SCN11A: variants seen among roughly 807,000 people sequenced by gnomAD.
SCN11A encodes sodium channel protein type 11 subunit alpha.
SCN11A carries 122 observed loss-of-function variants against 162.2 expected under a neutral mutation model. The ratio of observed to expected loss-of-function variants is 0.75; its 90% CI spans 0.65 to 0.87. The LOEUF (loss-of-function observed/expected upper bound fraction) is 0.87. Ranked by LOEUF, SCN11A falls within the 40% of genes least tolerant of loss-of-function variation. SCN11A has a pLI of 0.00. For missense variants in SCN11A, 2,015 were observed against 2,181.6 expected, an observed-to-expected ratio of 0.92 and a Z score of 1.52; for synonymous variants, 758 against 751.5, an observed-to-expected ratio of 1.01 and a Z score of -0.14.
chr3:38,852,458 G>T (rs937233134), intron 28 of SCN11A, among the ~76,000 whole-genome samples: 4 of 152,110 alleles, frequency 2.6e-5, no homozygotes, highest in Non-Finnish European at 4.4e-5. Context: ...GAGATTAAGA[G>T]CATAAATTAC....
At chr3:38,854,133 T>C (rs1194580446) in intron 28 of SCN11A, among the ~76,000 whole-genome samples, 6 of 152,312 alleles carry the variant, frequency 3.9e-5, no homozygotes, top group East Asian at 1.9e-4. Context: ...TTGCGACATA[T>C]GATAATTATA....
At position 38,885,313 on chromosome 3, in the gene SCN11A, C is replaced by T. The variant is rs1277761557; in HGVS notation, c.3039G>A (p.Lys1013=). 7 of 1,611,370 alleles carry T rather than the reference C, an allele frequency of 4.3e-6. No homozygotes were observed. The highest frequency in any genetic ancestry group is 2.2e-5 in the East Asian group (1 of 44,874). Reference sequence around the variant, plus strand: ...CTTTGGGCAAACATCTCTCTGGTTGCTTTTTGGGAACCATCTCAGGTAACC... The same window carrying T: ...CTTTGGGCAAACATCTCTCTGGTTGTTTTTTGGGAACCATCTCAGGTAACC... ...FGWLPEMVPK[K]QPERCLPKGF... is the part of the protein sequence containing the mutation. Residue 1013 remains lysine, a synonymous_variant, in exon 21 of 30, where the codon AAG becomes AAA. Coordinates refer to ENST00000302328, the MANE Select transcript of SCN11A (RefSeq NM_001349253.2).
rs566379034 is a variant in SCN11A, at chr3:38,894,702, C to T, written c.2666G>A (p.Arg889Lys). The change falls in exon 19 of 30, where the codon AGG becomes AAG. Residue 889 changes from arginine (R) to lysine (K), a missense_variant. Arg to Lys is a conservative substitution (Grantham distance 26). Coordinates refer to ENST00000302328, the MANE Select transcript of SCN11A (RefSeq NM_001349253.2). ...AAGCTCCTCCTGGGTCTCTGAGCCC[C>T]TTTTCATCTCCATGACCAGGGGAAT... The part of the protein sequence containing the change: ...DIIPLVMEMK[R>K]GSETQEELGI... The T allele has an allele frequency of 2.5e-6, 4 of 1,614,170 alleles. No individual in the cohort carries two copies. The highest frequency in any genetic ancestry group is 2.5e-6 in the Non-Finnish European group (3 of 1,180,020).
At chr3:38,906,992 G>A (rs941788401) in intron 14 of SCN11A, among the ~76,000 whole-genome samples, 2 of 151,860 alleles carry the variant, frequency 1.3e-5, no homozygotes, top group African/African-American at 4.8e-5. Context: ...GCTTGCCTTC[G>A]CTTCTAGGCT....
rs1316838417 is a variant in SCN11A at position 38,885,247 on chromosome 3, C to T, written c.3064+41G>A. ...TTCAAAGAAGAACAGAAACCCCATC[C>T]AAAGATTCTGTGAACTGGATGCAGA... On this transcript the variant is annotated intron_variant, in intron 21 of 29. Coordinates refer to ENST00000302328, the MANE Select transcript of SCN11A (RefSeq NM_001349253.2). 7 of 1,143,292 alleles carry T rather than the reference C, an allele frequency of 6.1e-6. No homozygotes were observed. The South Asian group carries it at 8.6e-5, about 14-fold the overall frequency. 70.8% of individuals were successfully genotyped at this position (1,143,292 alleles called of 1,614,324 possible).
At chr3:38,925,926 C>G (rs2066133269) in intron 8 of SCN11A, among the ~76,000 whole-genome samples, 1 of 152,240 alleles carries the variant, frequency 6.6e-6, no homozygotes, top group Admixed American at 6.5e-5. Flanking sequence ...TACTCTAAAC[C>G]ACTGTGCTTC....
At chr3:39,019,544 G>T (rs140950926) in intron 2 of SCN11A, among the ~76,000 whole-genome samples, 5 of 152,210 alleles carry the variant, frequency 3.3e-5, no homozygotes, top group African/African-American at 1.2e-4. Context: ...TTGTGCACTG[G>T]GCAGGAAGAG....
intron 16 of SCN11A, among the ~76,000 whole-genome samples, chr3:38,900,457 A>G (rs2065680925): frequency 6.6e-6 from 1 of 152,190 alleles, no homozygotes; most frequent in Non-Finnish European, 1.5e-5. Context: ...TAAAATAGGG[A>G]GAGAAGGAAT....
chr3:38,939,643 C>A (rs1367108633), intron 7 of SCN11A, among the ~76,000 whole-genome samples: 2 of 152,144 alleles, frequency 1.3e-5, no homozygotes, highest in African/African-American at 2.4e-5. Flanking sequence ...GTGGCTCTTG[C>A]CTGTAATCCC....
At chr3:38,936,231 G>A (rs1200999516) in intron 7 of SCN11A, among the ~76,000 whole-genome samples, 2 of 151,994 alleles carry the variant, frequency 1.3e-5, no homozygotes, top group Non-Finnish European at 2.9e-5. Context: ...AAAATAATAA[G>A]AGCTATCTCT....
chr3:39,042,545 A>G (rs536973522), intron 1 of SCN11A, among the ~76,000 whole-genome samples: 124 of 152,340 alleles, frequency 8.1e-4, no homozygotes, highest in Admixed American at 8.1e-3. Context: ...TGAAGAGACA[A>G]CACACAGAAT....
rs190093515 is a variant in SCN11A at position 38,853,984 on chromosome 3, T to C, written c.4057-3233A>G. On this transcript the variant is annotated intron_variant, in intron 28 of 29. Coordinates refer to ENST00000302328, the MANE Select transcript of SCN11A (RefSeq NM_001349253.2). The stretch of plus-strand genomic sequence containing the variant: ...ATAGTACCTGATAAAGCAGGATTCA[T>C]AGAGCACAGGGATCAGCAAACCATG... Among the ~76,000 whole-genome samples the C allele has an allele frequency of 6.0e-4, 91 of 152,274 alleles. No individual in the cohort carries two copies. The East Asian group carries it at 0.017, about 29-fold the overall frequency.
chr3:38,908,335 T>C (rs148793362), intron 13 of SCN11A, among the ~76,000 whole-genome samples: 137 of 152,318 alleles, frequency 9.0e-4, no homozygotes, highest in East Asian at 3.7e-3. Context: ...AAAAGCAGCA[T>C]TGACTCTTTC....
intron 29 of SCN11A, 45 bp from the exon 30 acceptor site, chr3:38,847,787 G>T: frequency 7.9e-7 from 1 of 1,263,894 alleles, no homozygotes; most frequent in Non-Finnish European, 1.1e-6. Context: ...AAGGCACACT[G>T]GTTTCAGATC....
In SCN11A at chr3:38,871,681, T is replaced by C; in HGVS notation, c.3523A>G (p.Ile1175Val). 3.7e-6 allele frequency: 6 copies of C among 1,610,408 alleles called. No homozygotes were observed. The highest frequency in any genetic ancestry group is 5.1e-6 in the Non-Finnish European group (6 of 1,178,538). Residue 1175 changes from isoleucine (I) to valine (V), a missense_variant, in exon 25 of 30, where the codon ATA becomes GTA. Ile to Val is a conservative substitution (Grantham distance 29, BLOSUM62 3). Coordinates refer to ENST00000302328, the MANE Select transcript of SCN11A (RefSeq NM_001349253.2). ...KVVVNALIGAIPAILNVLLVC... is the reference protein window; with the variant it reads ...KVVVNALIGAVPAILNVLLVC... Reference sequence around the variant, plus strand: ...AGCAAAACATTCAGAATGGCAGGTATGGCACCTATGAGAGCATTGACCACC... The same window carrying C: ...AGCAAAACATTCAGAATGGCAGGTACGGCACCTATGAGAGCATTGACCACC...
At chr3:39,037,160 CGTG>C (rs2031923930) in intron 1 of SCN11A, among the ~76,000 whole-genome samples, 1 of 152,158 alleles carries the variant, frequency 6.6e-6, no homozygotes, top group South Asian at 2.1e-4. Context: ...GGAATGAGAT[CGTG>C]TCATTTGCAA....
intron 1 of SCN11A, among the ~76,000 whole-genome samples, chr3:39,041,411 A>T (rs55914618): frequency 0.076 from 11,510 of 152,290 alleles, 591 homozygotes; most frequent in African/African-American, 0.14. Context: ...TTATAATCAA[A>T]TTGTCAAAAG....
At chr3:39,046,086 C>G (rs1166602924) in intron 1 of SCN11A, among the ~76,000 whole-genome samples, 1 of 152,128 alleles carries the variant, frequency 6.6e-6, no homozygotes, top group Non-Finnish European at 1.5e-5. Flanking sequence ...AGGGCAAAAC[C>G]CTGTCTGTAC....
rs531947645 is a variant in SCN11A, at chr3:38,910,226, CAG to C, written c.960-21_960-20del. The C allele has an allele frequency of 2.9e-4, 473 of 1,603,630 alleles. 3 individuals are homozygous for C. In the East Asian group the frequency reaches 9.7e-3, roughly 33 times the overall value. ...ACAGGCACTAGATATTGGAAACAAA[CAG>C]AGAAATAATTATGTACGCCACAGCC... On this transcript the variant is annotated intron_variant, in intron 11 of 29. Transcript: ENST00000302328.
Sources: gnomAD v4.1 joint callset for allele counts (sites outside exome capture counted in the v4.1 genomes callset) on GRCh38, gnomAD v4.1.1 for gene constraint, MANE v1.5 for transcripts, NCBI Gene and HGNC (gene_info 2026-07-23, HGNC 2026-07-21) for gene names.